The following FARS2 variants were observed in gnomAD, a reference collection of about 807,000 sequenced individuals.
The protein encoded by FARS2 is phenylalanyl-tRNA synthetase 2, mitochondrial, also known as phenylalanine--tRNA ligase, mitochondrial.
Under a neutral mutation model 46.4 loss-of-function variants are expected in FARS2, and 40 were observed. The ratio of observed to expected loss-of-function variants is 0.86; its 90% CI spans 0.67 to 1.12. FARS2 has a LOEUF of 1.12. FARS2 is among the 50% of genes most tolerant of loss of function. The pLI, the probability that FARS2 is intolerant of heterozygous loss-of-function variation, is 0.00. For missense variants in FARS2, 513 were observed against 567.9 expected, an observed-to-expected ratio of 0.90 and a Z score of 0.98; for synonymous variants, 234 against 214.9, an observed-to-expected ratio of 1.09 and a Z score of -0.78.
At chr6:5,317,677 G>A (rs1769634692) in intron 1 of FARS2, among the ~76,000 whole-genome samples, 2 of 152,010 alleles carry the variant, frequency 1.3e-5, no homozygotes, top group Non-Finnish European at 1.5e-5. Flanking sequence ...CTACTCGGAG[G>A]GCGGAGGCGG....
At chr6:5,538,717 C>T (rs1582391708) in intron 4 of FARS2, among the ~76,000 whole-genome samples, 4 of 152,184 alleles carry the variant, frequency 2.6e-5, no homozygotes, top group Admixed American at 2.6e-4. Flanking sequence ...ATGGAATAGG[C>T]CAATGACACA....
intron 6 of FARS2, among the ~76,000 whole-genome samples, chr6:5,671,463 GA>G (rs1778455525): frequency 6.6e-6 from 1 of 152,184 alleles, no homozygotes; most frequent in South Asian, 2.1e-4. Flanking sequence ...GTTTCTGCCG[GA>G]ACTTCCTGGT....
chr6:5,567,279 T>C (rs1772378599), intron 5 of FARS2, among the ~76,000 whole-genome samples: 1 of 152,250 alleles, frequency 6.6e-6, no homozygotes. Flanking sequence ...TGAGCATCTT[T>C]TCATGTAATT....
intron 1 of FARS2, among the ~76,000 whole-genome samples, chr6:5,330,060 A>C (rs943588978): frequency 1.3e-5 from 2 of 152,120 alleles, no homozygotes; most frequent in African/African-American, 4.8e-5. Context: ...TGGCCTCATG[A>C]GAACAAAATA....
At chr6:5,481,337 A>G (rs975430820) in intron 4 of FARS2, among the ~76,000 whole-genome samples, 6 of 152,226 alleles carry the variant, frequency 3.9e-5, no homozygotes, top group Admixed American at 6.5e-5. Flanking sequence ...AGCCACAGCC[A>G]CCTACTTATT....
At chr6:5,373,569 T>TA (rs1347233151) in intron 2 of FARS2, among the ~76,000 whole-genome samples, 1 of 152,142 alleles carries the variant, frequency 6.6e-6, no homozygotes, top group Non-Finnish European at 1.5e-5. Flanking sequence ...AGGAAATGTT[T>TA]AACCAATGCT....
chr6:5,419,766 A>G (rs1422802282), intron 3 of FARS2, among the ~76,000 whole-genome samples: 1 of 152,146 alleles, frequency 6.6e-6, no homozygotes, highest in Non-Finnish European at 1.5e-5. Flanking sequence ...CATGGAGCTT[A>G]TCCCATCCCA....
In FARS2 at chr6:5,689,498, G is replaced by A. The variant is rs1339974542; in HGVS notation, c.1217+76178G>A. Among the ~76,000 whole-genome samples, 9 of 152,310 alleles carry A rather than the reference G, an allele frequency of 5.9e-5. No homozygotes were observed. The South Asian group carries it at 1.0e-3, about 18-fold the overall frequency. ...GAGCAGGTTGTTCAGTTTCCATGTAGTTGAGCGGTTTTGAGTGAGTTTCTT... is the reference window on the plus strand; with the variant it reads ...GAGCAGGTTGTTCAGTTTCCATGTAATTGAGCGGTTTTGAGTGAGTTTCTT... On this transcript the variant is annotated intron_variant, in intron 6 of 6. Transcript: ENST00000274680.
At chr6:5,368,455 G>GT in intron 1 of FARS2, 95 bp from the exon 2 acceptor site, 1 of 1,111,490 alleles carries the variant, frequency 9.0e-7, no homozygotes, top group South Asian at 1.5e-5. Flanking sequence ...AAACATGCCA[G>GT]TAGGACAAGA....
At position 5,742,332 on chromosome 6, in the gene FARS2, A is replaced by G. The variant is rs527275357; in HGVS notation, c.1218-28959A>G. Among the ~76,000 whole-genome samples, 125 of 152,216 alleles carry G rather than the reference A, an allele frequency of 8.2e-4. 3 individuals carry two copies. Among genetic ancestry groups the G allele is most frequent in the African/African-American group, 2.8e-3 (115 of 41,524 alleles). On this transcript the variant is annotated intron_variant, in intron 6 of 6. Transcript: ENST00000274680. ...TTCTCTCTGCGTTGCTTCTTTTCCCATATTTCTTATCCCTTTCATTCTAAA... is the reference window on the plus strand; with the variant it reads ...TTCTCTCTGCGTTGCTTCTTTTCCCGTATTTCTTATCCCTTTCATTCTAAA...
At chr6:5,752,092 C>T (rs143102320) in intron 6 of FARS2, among the ~76,000 whole-genome samples, 6 of 152,158 alleles carry the variant, frequency 3.9e-5, no homozygotes, top group African/African-American at 7.2e-5. Flanking sequence ...GTGATTTATA[C>T]GAAACACTCA....
rs1765502090 is a variant in FARS2, at chr6:5,265,644, T to G, written c.-22+3984T>G. 2.0e-5 allele frequency among the ~76,000 whole-genome samples: 3 copies of G among 152,212 alleles called. No individual in the cohort carries two copies. The South Asian group carries it at 6.2e-4, about 31-fold the overall frequency. On this transcript the variant is annotated intron_variant, in intron 1 of 6. Transcript: ENST00000274680. ...TTAAGTTACTGTTGTTGTGGTAACTTGAGGGCGATATATAAATCAAACACT... is the reference window on the plus strand; with the variant it reads ...TTAAGTTACTGTTGTTGTGGTAACTGGAGGGCGATATATAAATCAAACACT...
intron 5 of FARS2, among the ~76,000 whole-genome samples, chr6:5,563,086 G>C (rs540297860): frequency 8.7e-5 from 12 of 138,712 alleles, no homozygotes; most frequent in East Asian, 5.4e-4. Flanking sequence ...AGAGACAGAG[G>C]GAGGGGGGCT....
chr6:5,628,028 A>AG (rs1776119796), intron 6 of FARS2, among the ~76,000 whole-genome samples: 1 of 152,230 alleles, frequency 6.6e-6, no homozygotes, highest in African/African-American at 2.4e-5. Flanking sequence ...GGAAACAAAA[A>AG]GAGAAGGGAT....
intron 6 of FARS2, 43 bp from the exon 7 acceptor site, chr6:5,771,248 C>G: frequency 6.2e-7 from 1 of 1,612,364 alleles, no homozygotes; most frequent in South Asian, 1.1e-5. Context: ...CAGGCACAGC[C>G]TTGTTCATCC....
chr6:5,260,913 G>T, upstream of FARS2: 2 of 1,370,614 alleles, frequency 1.5e-6, no homozygotes. Context: ...GGCGCCAGGC[G>T]TCCCGCGCCG....
chr6:5,409,906 C>T (rs1471031337), intron 3 of FARS2, among the ~76,000 whole-genome samples: 2 of 152,210 alleles, frequency 1.3e-5, no homozygotes, highest in East Asian at 1.9e-4. Flanking sequence ...AGCTTGTCCC[C>T]GACCGTGTTT....
At chr6:5,351,616 G>C (rs947862766) in intron 1 of FARS2, among the ~76,000 whole-genome samples, 1 of 152,260 alleles carries the variant, frequency 6.6e-6, no homozygotes, top group South Asian at 2.1e-4. Flanking sequence ...AGCAGGGTGG[G>C]GGAAATCAGA....
intron 6 of FARS2, among the ~76,000 whole-genome samples, chr6:5,648,535 G>C (rs1432367898): frequency 6.6e-6 from 1 of 152,200 alleles, no homozygotes; most frequent in African/African-American, 2.4e-5. Context: ...GGAAACCAGG[G>C]TGTTTGGACC....
Sources: allele counts gnomAD v4.1 joint callset (sites outside exome capture counted in the v4.1 genomes callset), GRCh38; gene constraint gnomAD v4.1.1; transcripts MANE v1.5; gene names NCBI Gene and HGNC (gene_info 2026-07-23, HGNC 2026-07-21).